Variants in BMAL2 observed in about 807,000 individuals in gnomAD.
The protein encoded by BMAL2 is basic helix-loop-helix ARNT like 2, also known as basic helix-loop-helix ARNT-like protein 2.
the BMAL2 span, among the ~76,000 whole-genome samples, chr12:27,408,428 G>A: frequency 6.6e-6 from 1 of 152,162 alleles, no homozygotes; most frequent in African/African-American, 2.4e-5. Context: ...GGGATGCAAG[G>A]CTGGTTCAAC....
At chr12:27,333,008 G>A in the BMAL2 span, 1 of 1,154,232 alleles carries the variant, frequency 8.7e-7, no homozygotes, top group African/African-American at 1.6e-5. Context: ...CCGGGGCAGG[G>A]CGGGCCCGGG....
the BMAL2 span, chr12:27,385,621 G>A: frequency 1.7e-6 from 2 of 1,151,484 alleles, no homozygotes; most frequent in Non-Finnish European, 2.5e-6. Context: ...TGAATAGGAG[G>A]CAGATTTTCT....
At chr12:27,378,510 A>G in the BMAL2 span, among the ~76,000 whole-genome samples, 8,870 of 152,254 alleles carry the variant, frequency 0.058, 871 homozygotes, top group African/African-American at 0.2. Flanking sequence ...ACGGTATGGC[A>G]TGTGTGAGGA....
the BMAL2 span, among the ~76,000 whole-genome samples, chr12:27,403,788 G>A: frequency 0.024 from 3,719 of 152,154 alleles, 74 homozygotes; most frequent in Non-Finnish European, 0.037. Flanking sequence ...GATATAAGCT[G>A]TTTTTCAACA....
At chr12:27,401,084 G>C in the BMAL2 span, among the ~76,000 whole-genome samples, 1 of 152,120 alleles carries the variant, frequency 6.6e-6, no homozygotes, top group Non-Finnish European at 1.5e-5. Context: ...CCTGTTCTGT[G>C]TTGCAGCTCT....
At chr12:27,355,940 ACTTCCCT>A in the BMAL2 span, among the ~76,000 whole-genome samples, 64 of 152,144 alleles carry the variant, frequency 4.2e-4, 1 homozygote, top group African/African-American at 1.4e-3. Flanking sequence ...CATCCTCAGG[ACTTCCCT>A]TTTAGACATC....
chr12:27,380,391 G>C, the BMAL2 span: 1 of 1,614,108 alleles, frequency 6.2e-7, no homozygotes. Context: ...TTCAACACTT[G>C]AGATCTTTAA....
chr12:27,346,173 T>G, the BMAL2 span, among the ~76,000 whole-genome samples: 1 of 152,214 alleles, frequency 6.6e-6, no homozygotes, highest in African/African-American at 2.4e-5. Flanking sequence ...GTTTCTGATC[T>G]TTCTGTCTTA....
chr12:27,362,650 A>AT, the BMAL2 span, among the ~76,000 whole-genome samples: 2 of 152,140 alleles, frequency 1.3e-5, no homozygotes, highest in African/African-American at 4.8e-5. Flanking sequence ...AGATATCTCT[A>AT]TACAAAAAAA....
At chr12:27,403,652 A>G in the BMAL2 span, 1 of 548,378 alleles carries the variant, frequency 1.8e-6, no homozygotes, top group Non-Finnish European at 3.1e-6. Flanking sequence ...AGTTTAATAT[A>G]ATGGAAAATA....
the BMAL2 span, among the ~76,000 whole-genome samples, chr12:27,343,064 C>G: frequency 2.6e-5 from 4 of 152,124 alleles, no homozygotes; most frequent in Non-Finnish European, 5.9e-5. Flanking sequence ...AATTTTCTTT[C>G]GCTGTTTCTC....
chr12:27,417,054 G>A, the BMAL2 span, among the ~76,000 whole-genome samples: 1 of 152,080 alleles, frequency 6.6e-6, no homozygotes, highest in Non-Finnish European at 1.5e-5. Flanking sequence ...CAGTTAGCAC[G>A]TGTTTATTAG....
the BMAL2 span, among the ~76,000 whole-genome samples, chr12:27,395,594 T>C: frequency 1.3e-5 from 2 of 152,188 alleles, no homozygotes; most frequent in African/African-American, 4.8e-5. Context: ...TTCTTGAGAA[T>C]GTACTAATCA....
chr12:27,388,490 G>A, the BMAL2 span, among the ~76,000 whole-genome samples: 8 of 152,136 alleles, frequency 5.3e-5, no homozygotes, highest in East Asian at 1.9e-4. Context: ...TCAGGAAGGC[G>A]TCACACATGA....
the BMAL2 span, among the ~76,000 whole-genome samples, chr12:27,336,824 G>C: frequency 4.0e-5 from 6 of 151,580 alleles, no homozygotes; most frequent in African/African-American, 1.5e-4. Flanking sequence ...TTGGTGGTGC[G>C]TGCCTGTAAT....
the BMAL2 span, among the ~76,000 whole-genome samples, chr12:27,358,960 C>G: frequency 1.3e-5 from 2 of 151,594 alleles, no homozygotes; most frequent in African/African-American, 4.9e-5. Context: ...TACTTAATTT[C>G]TATCCATCAT....
the BMAL2 span, among the ~76,000 whole-genome samples, chr12:27,376,188 T>A: frequency 6.6e-6 from 1 of 152,224 alleles, no homozygotes; most frequent in East Asian, 1.9e-4. Context: ...ACAGTAAGAA[T>A]CATTTCAGGT....
chr12:27,352,854 A>G, the BMAL2 span, among the ~76,000 whole-genome samples: 1 of 152,234 alleles, frequency 6.6e-6, no homozygotes, highest in Admixed American at 6.5e-5. Context: ...AATAATACCT[A>G]GGAATACAGC....
the BMAL2 span, among the ~76,000 whole-genome samples, chr12:27,371,305 G>T: frequency 1.3e-5 from 2 of 152,166 alleles, no homozygotes; most frequent in Non-Finnish European, 2.9e-5. Flanking sequence ...CTATGGTCAC[G>T]CCACTGCATT....
Sources: allele counts gnomAD v4.1 joint callset (sites outside exome capture counted in the v4.1 genomes callset), GRCh38; gene constraint gnomAD v4.1.1; transcripts MANE v1.5; gene names NCBI Gene and HGNC (gene_info 2026-07-23, HGNC 2026-07-21).